The following DIAPH3 variants were observed in gnomAD, a reference collection of about 807,000 sequenced individuals.
DIAPH3 encodes the protein diaphanous related formin 3, also known as protein diaphanous homolog 3.
In DIAPH3, 117 loss-of-function variants were observed where a neutral mutation model predicts 144.3. That is an observed-to-expected ratio of 0.81 (90% CI 0.70 to 0.95). DIAPH3 has a LOEUF of 0.95. Ranked by LOEUF, DIAPH3 falls within the 40% of genes least tolerant of loss-of-function variation. The pLI is 0.00. For missense variants in DIAPH3, 1,421 were observed against 1,412.7 expected (o/e 1.01, Z -0.09); for synonymous variants, 519 against 488.9 (o/e 1.06, Z -0.81).
At chr13:60,067,466 C>T (rs1308160373) in intron 4 of DIAPH3, among the ~76,000 whole-genome samples, 1 of 152,014 alleles carries the variant, frequency 6.6e-6, no homozygotes, top group African/African-American at 2.4e-5. Flanking sequence ...ATGCCAGATA[C>T]AGCCATGGAT....
At chr13:59,846,047 A>T (rs1035986943) in intron 22 of DIAPH3, among the ~76,000 whole-genome samples, 1 of 152,194 alleles carries the variant, frequency 6.6e-6, no homozygotes, top group Non-Finnish European at 1.5e-5. Flanking sequence ...CTTTCCTCCA[A>T]GTGTCTTATT....
intron 7 of DIAPH3, among the ~76,000 whole-genome samples, chr13:60,015,604 C>G (rs1386657387): frequency 7.1e-6 from 1 of 141,286 alleles, no homozygotes; most frequent in African/African-American, 2.7e-5. Flanking sequence ...GACAAAAAAG[C>G]AGAGAAAGGG....
intron 27 of DIAPH3, among the ~76,000 whole-genome samples, chr13:59,699,709 A>G (rs2033997210): frequency 6.6e-6 from 1 of 152,188 alleles, no homozygotes; most frequent in Non-Finnish European, 1.5e-5. Flanking sequence ...GTGACCTCCT[A>G]TGGACTGTTG....
At chr13:59,684,398 T>A (rs879135142) in intron 27 of DIAPH3, among the ~76,000 whole-genome samples, 1 of 152,130 alleles carries the variant, frequency 6.6e-6, no homozygotes, top group Admixed American at 6.6e-5. Context: ...TCAGAGGGTG[T>A]TGTATTATGG....
intron 24 of DIAPH3, 67 bp downstream of exon 24, chr13:59,833,040 G>A (rs2041858466): frequency 1.4e-5 from 17 of 1,173,354 alleles, no homozygotes; most frequent in Non-Finnish European, 2.0e-5. Context: ...GTAGAACGAT[G>A]TAATGAGATA....
chr13:59,954,990 A>T (rs183106710), intron 17 of DIAPH3, among the ~76,000 whole-genome samples: 2 of 152,106 alleles, frequency 1.3e-5, no homozygotes, highest in African/African-American at 4.8e-5. Context: ...GACAAACCAT[A>T]TCAAGGTAAT....
chr13:59,796,742 G>GA (rs377553417), intron 25 of DIAPH3, among the ~76,000 whole-genome samples: 1 of 151,882 alleles, frequency 6.6e-6, no homozygotes, highest in Admixed American at 6.6e-5. Flanking sequence ...CCAAAGGGGG[G>GA]AAAAAAACCA....
chr13:59,822,005 C>T (rs1352863011), intron 24 of DIAPH3, among the ~76,000 whole-genome samples: 1 of 152,150 alleles, frequency 6.6e-6, no homozygotes, highest in South Asian at 2.1e-4. Flanking sequence ...GGTAAAACAA[C>T]AAATTACTTA....
intron 27 of DIAPH3, among the ~76,000 whole-genome samples, chr13:59,681,577 T>A (rs1419420432): frequency 1.3e-5 from 2 of 152,078 alleles, no homozygotes; most frequent in Non-Finnish European, 2.9e-5. Flanking sequence ...TCTCACCAAC[T>A]TATTAATAAA....
chr13:60,130,939 T>C (rs1167509651), intron 2 of DIAPH3, among the ~76,000 whole-genome samples: 1 of 152,116 alleles, frequency 6.6e-6, no homozygotes, highest in East Asian at 1.9e-4. Context: ...TAGAGCAACA[T>C]GGCTTCTGGA....
At chr13:59,938,574 A>C (rs1307967544) in intron 17 of DIAPH3, among the ~76,000 whole-genome samples, 5 of 152,170 alleles carry the variant, frequency 3.3e-5, no homozygotes, top group African/African-American at 9.6e-5. Flanking sequence ...ATGCCACTGC[A>C]TTCTAGCCTG....
At chr13:59,702,173 G>C (rs1295879773) in intron 27 of DIAPH3, among the ~76,000 whole-genome samples, 1 of 152,004 alleles carries the variant, frequency 6.6e-6, no homozygotes, top group Non-Finnish European at 1.5e-5. Context: ...CCTTTAATTA[G>C]GAAGATGATA....
intron 4 of DIAPH3, among the ~76,000 whole-genome samples, chr13:60,062,053 T>C (rs911303223): frequency 6.6e-6 from 1 of 152,144 alleles, no homozygotes; most frequent in African/African-American, 2.4e-5. Flanking sequence ...ATTCCCACCT[T>C]AGGTTTATTT....
intron 27 of DIAPH3, among the ~76,000 whole-genome samples, chr13:59,689,728 G>C (rs1440267696): frequency 1.3e-5 from 2 of 151,810 alleles, no homozygotes; most frequent in South Asian, 2.1e-4. Flanking sequence ...GCAGATGTTG[G>C]GGGACAAGTT....
chr13:59,797,217 G>C (rs1309570847), intron 25 of DIAPH3, among the ~76,000 whole-genome samples: 1 of 151,884 alleles, frequency 6.6e-6, no homozygotes, highest in Non-Finnish European at 1.5e-5. Context: ...ATAAGTTGTG[G>C]ACTTCTAATG....
At chr13:60,065,355 T>C (rs1425052812) in intron 4 of DIAPH3, among the ~76,000 whole-genome samples, 2 of 151,876 alleles carry the variant, frequency 1.3e-5, no homozygotes, top group Admixed American at 1.3e-4. Context: ...ACTACAACTA[T>C]TATAATACAA....
chr13:59,747,185 C>A (rs958260818), intron 27 of DIAPH3, among the ~76,000 whole-genome samples: 2 of 151,958 alleles, frequency 1.3e-5, no homozygotes, highest in Non-Finnish European at 2.9e-5. Context: ...TAACTGATTG[C>A]CAAGTACCAA....
chr13:59,726,056 G>C (rs965851313), intron 27 of DIAPH3, among the ~76,000 whole-genome samples: 1 of 152,078 alleles, frequency 6.6e-6, no homozygotes, highest in Non-Finnish European at 1.5e-5. Context: ...ATATTTAACA[G>C]AATATAAAAA....
At position 60,105,103 on chromosome 13, in the gene DIAPH3, A is replaced by AAAAAAAAC. The variant is rs2058379215; in HGVS notation, c.390+6906_390+6907insGTTTTTTT. On this transcript the variant is annotated intron_variant, in intron 3 of 27. Coordinates refer to ENST00000400324, the MANE Select transcript of DIAPH3 (RefSeq NM_001042517.2). ...CGACAAAGTGAGACACGATCTCAAA[A>AAAAAAAAC]AAAAAAAAAAAAAAAAAAAAAACTG... Among the ~76,000 whole-genome samples the AAAAAAAAC allele has an allele frequency of 3.1e-5, 3 of 97,684 alleles. 1 individual carries two copies. Among genetic ancestry groups the AAAAAAAAC allele is most frequent in the Non-Finnish European group, 6.0e-5 (3 of 49,626 alleles). 64.1% of individuals were successfully genotyped at this position (97,684 alleles called of 152,430 possible). A position where few individuals can be genotyped will look rare whatever the true frequency, so the allele number is the denominator to read the frequency against.
Sources: gnomAD v4.1 joint callset for allele counts (sites outside exome capture counted in the v4.1 genomes callset) on GRCh38, gnomAD v4.1.1 for gene constraint, MANE v1.5 for transcripts, NCBI Gene and HGNC (gene_info 2026-07-23, HGNC 2026-07-21) for gene names.